EPHA5: variants seen among roughly 807,000 people sequenced by gnomAD.
The protein encoded by EPHA5 is EPH receptor A5.
Under a neutral mutation model 105.0 loss-of-function variants are expected in EPHA5, and 60 were observed. The observed-to-expected ratio is 0.57, with a 90% CI of 0.46 to 0.71. The LOEUF (loss-of-function observed/expected upper bound fraction) is 0.71. Among genes scored for constraint, EPHA5 ranks in the 30% least tolerant of loss-of-function variants. The pLI is 0.00. For synonymous variants in EPHA5, 513 were observed against 449.1 expected, an observed-to-expected ratio of 1.14 and a Z score of -1.80; for missense variants, 1,218 against 1,274.7, an observed-to-expected ratio of 0.96 and a Z score of 0.68.
chr4:65,407,234 T>A (rs1722448763), intron 7 of EPHA5, among the ~76,000 whole-genome samples: 2 of 152,152 alleles, frequency 1.3e-5, no homozygotes, highest in Admixed American at 6.5e-5. Context: ...AGTCTGATAA[T>A]TATTCCCACT....
At chr4:65,462,678 C>A (rs62298051) in intron 5 of EPHA5, among the ~76,000 whole-genome samples, 4 of 151,898 alleles carry the variant, frequency 2.6e-5, no homozygotes, top group African/African-American at 7.3e-5. Flanking sequence ...GTGGTCTCAA[C>A]GTTCCAAGAA....
chr4:65,350,088 C>T (rs866205018), intron 13 of EPHA5, among the ~76,000 whole-genome samples: 2 of 152,096 alleles, frequency 1.3e-5, no homozygotes, highest in Non-Finnish European at 2.9e-5. Context: ...ACTTTTTACA[C>T]TTAACTAAGA....
chr4:65,471,329 A>G (rs947386222), intron 5 of EPHA5, among the ~76,000 whole-genome samples: 2 of 152,202 alleles, frequency 1.3e-5, no homozygotes, highest in African/African-American at 4.8e-5. Flanking sequence ...AGTCTTTGAA[A>G]CCATTTATTC....
intron 5 of EPHA5, among the ~76,000 whole-genome samples, chr4:65,478,846 T>C (rs1254084760): frequency 6.6e-6 from 1 of 152,184 alleles, no homozygotes; most frequent in Non-Finnish European, 1.5e-5. Context: ...AACTTCAAGA[T>C]TAATATAAGC....
chr4:65,346,800 C>T (rs1307353001), intron 14 of EPHA5, among the ~76,000 whole-genome samples: 4 of 152,026 alleles, frequency 2.6e-5, no homozygotes, highest in Non-Finnish European at 4.4e-5. Flanking sequence ...ATCAAACAAC[C>T]CCATCAAAAA....
intron 5 of EPHA5, among the ~76,000 whole-genome samples, chr4:65,465,403 G>A (rs1186785062): frequency 6.6e-6 from 1 of 150,746 alleles, no homozygotes; most frequent in Non-Finnish European, 1.5e-5. Context: ...TCCAGCCTGG[G>A]CAACAGGGTG....
chr4:65,363,666 G>T (rs1717561244), intron 11 of EPHA5, among the ~76,000 whole-genome samples: 1 of 151,366 alleles, frequency 6.6e-6, no homozygotes, highest in Non-Finnish European at 1.5e-5. Flanking sequence ...ATTATTACTG[G>T]TACCATCATT....
At chr4:65,445,012 T>C (rs1000267958) in intron 5 of EPHA5, among the ~76,000 whole-genome samples, 1 of 152,096 alleles carries the variant, frequency 6.6e-6, no homozygotes, top group Non-Finnish European at 1.5e-5. Context: ...TTAGAAGAGT[T>C]GAATTCAGAA....
intron 3 of EPHA5, among the ~76,000 whole-genome samples, chr4:65,514,290 C>T (rs1246124611): frequency 6.6e-6 from 1 of 152,156 alleles, no homozygotes; most frequent in Non-Finnish European, 1.5e-5. Context: ...AGGTGAGATC[C>T]TCTGTCCCCT....
intron 2 of EPHA5, among the ~76,000 whole-genome samples, chr4:65,628,630 A>T (rs899839795): frequency 6.6e-6 from 1 of 152,186 alleles, no homozygotes; most frequent in Non-Finnish European, 1.5e-5. Flanking sequence ...TAAAAATTTC[A>T]TTATTCAATC....
intron 8 of EPHA5, among the ~76,000 whole-genome samples, chr4:65,387,625 A>G (rs886084525): frequency 6.6e-6 from 1 of 151,966 alleles, no homozygotes; most frequent in South Asian, 2.1e-4. Context: ...GAGAAGAGGT[A>G]AATCCAAAAG....
At chr4:65,568,905 A>G (rs1380918524) in intron 3 of EPHA5, among the ~76,000 whole-genome samples, 1 of 151,084 alleles carries the variant, frequency 6.6e-6, no homozygotes, top group African/African-American at 2.4e-5. Context: ...GAATCAGTAT[A>G]TATTCTAAAA....
intron 3 of EPHA5, among the ~76,000 whole-genome samples, chr4:65,515,192 A>C (rs368134742): frequency 1.3e-5 from 2 of 152,084 alleles, no homozygotes; most frequent in African/African-American, 4.8e-5. Flanking sequence ...CTGTCTTTAC[A>C]CCTCTGTCAC....
intron 3 of EPHA5, among the ~76,000 whole-genome samples, chr4:65,534,977 T>C (rs937718701): frequency 1.3e-5 from 2 of 152,208 alleles, no homozygotes; most frequent in Non-Finnish European, 2.9e-5. Context: ...ATATTTCTTA[T>C]GAGATACTTT....
chr4:65,469,441 T>A (rs879929578), intron 5 of EPHA5, among the ~76,000 whole-genome samples: 5 of 152,054 alleles, frequency 3.3e-5, no homozygotes, highest in Non-Finnish European at 7.4e-5. Flanking sequence ...TGATGATGAG[T>A]AATGCTCTTT....
At chr4:65,631,550 C>T (rs1389459285) in intron 2 of EPHA5, among the ~76,000 whole-genome samples, 2 of 152,040 alleles carry the variant, frequency 1.3e-5, no homozygotes, top group Non-Finnish European at 2.9e-5. Flanking sequence ...ACTTTCCACT[C>T]CTGCTGTAAC....
chr4:65,602,364 T>G, intron 2 of EPHA5, 60 bp from the exon 3 acceptor site: 1 of 1,346,760 alleles, frequency 7.4e-7, no homozygotes, highest in Non-Finnish European at 9.9e-7. Context: ...AACAAGGAAC[T>G]ATAGCAAAAA....
At chr4:65,570,121 T>A (rs1162083222) in intron 3 of EPHA5, among the ~76,000 whole-genome samples, 2 of 151,580 alleles carry the variant, frequency 1.3e-5, no homozygotes, top group Admixed American at 6.6e-5. Context: ...ACTGTATGAG[T>A]TCAGAGAAGT....
intron 1 of EPHA5, among the ~76,000 whole-genome samples, chr4:65,668,469 C>T (rs114838365): frequency 6.6e-6 from 1 of 152,172 alleles, no homozygotes; most frequent in Non-Finnish European, 1.5e-5. Context: ...GCTGACAGAT[C>T]TGGATCTGAG....
Sources: gnomAD v4.1 joint callset for allele counts (sites outside exome capture counted in the v4.1 genomes callset) on GRCh38, gnomAD v4.1.1 for gene constraint, MANE v1.5 for transcripts, NCBI Gene and HGNC (gene_info 2026-07-23, HGNC 2026-07-21) for gene names.